Variants in DSN1 observed in about 807,000 individuals in gnomAD.
DSN1 encodes the protein kinetochore-associated protein DSN1 homolog.
DSN1 carries 31 observed loss-of-function variants against 45.7 expected under a neutral mutation model. The observed-to-expected ratio is 0.68, with a 90% CI of 0.51 to 0.92. DSN1 has a LOEUF of 0.92. DSN1 is among the 40% of genes least tolerant of loss of function. The pLI, the probability that DSN1 is intolerant of heterozygous loss-of-function variation, is 0.00. For missense variants in DSN1, 394 were observed against 414.2 expected, an observed-to-expected ratio of 0.95 and a Z score of 0.42; for synonymous variants, 134 against 142.3, an observed-to-expected ratio of 0.94 and a Z score of 0.41.
chr20:36,767,212 C>T (rs1327233897), intron 4 of DSN1, among the ~76,000 whole-genome samples: 2 of 151,876 alleles, frequency 1.3e-5, no homozygotes, highest in African/African-American at 2.4e-5. Flanking sequence ...GAGGCTGAGG[C>T]GGTAGAATCG....
Position 36,754,762 on chromosome 20 carries a change from C to G in DSN1, c.961+1G>C. On this transcript the variant is annotated splice_donor_variant, in intron 10 of 10. Transcript: ENST00000373750. LOFTEE classifies it high-confidence loss of function. The stretch of plus-strand genomic sequence containing the variant: ...CTGGTCCCCTCAAGAGACAAGCTTA[C>G]CGAGCTGTACTGACACCTTCTGGAA... 6.2e-7 allele frequency: 1 copy of G among 1,613,556 alleles called. No individual in the cohort carries two copies. The highest frequency in any genetic ancestry group is 1.1e-5 in the South Asian group (1 of 91,058).
intron 5 of DSN1, among the ~76,000 whole-genome samples, chr20:36,763,908 A>AAG (rs1555812864): frequency 1.3e-5 from 2 of 149,674 alleles, no homozygotes; most frequent in African/African-American, 2.5e-5. Flanking sequence ...AAAAAAAAAA[A>AAG]AAAGAAAGAC....
chr20:36,753,836 G>A (rs774358220), intron 10 of DSN1, among the ~76,000 whole-genome samples: 4 of 148,386 alleles, frequency 2.7e-5, no homozygotes, highest in South Asian at 2.2e-4. Context: ...GAGAAACCCC[G>A]TCTCTACTAA....
intron 3 of DSN1, among the ~76,000 whole-genome samples, chr20:36,769,863 T>C (rs1987538959): frequency 6.7e-6 from 1 of 148,410 alleles, no homozygotes; most frequent in South Asian, 2.1e-4. Flanking sequence ...ACAAATCACG[T>C]TCTGTATAGC....
At chr20:36,756,111 G>C (rs1489003114) in intron 8 of DSN1, among the ~76,000 whole-genome samples, 1 of 151,974 alleles carries the variant, frequency 6.6e-6, no homozygotes, top group Non-Finnish European at 1.5e-5. Flanking sequence ...CTCCTGAGTA[G>C]CTGGGATTTC....
At chr20:36,773,571 C>A (rs1255041274) in intron 1 of DSN1, 91 bp downstream of exon 1, 1 of 985,832 alleles carries the variant, frequency 1.0e-6, no homozygotes, top group Non-Finnish European at 1.2e-6. Context: ...ACGGGTACGA[C>A]GCCGAAGAGA....
At chr20:36,768,414 G>A (rs1277093658) in intron 3 of DSN1, among the ~76,000 whole-genome samples, 1 of 152,140 alleles carries the variant, frequency 6.6e-6, no homozygotes, top group Non-Finnish European at 1.5e-5. Flanking sequence ...GTGGTGGCAT[G>A]CGCCTGTAAT....
At chr20:36,765,247 T>TAAAAAAAAAAAAAAAAAAAA (rs33998027) in intron 5 of DSN1, among the ~76,000 whole-genome samples, 1 of 75,264 alleles carries the variant, frequency 1.3e-5, no homozygotes, top group African/African-American at 5.9e-5. Flanking sequence ...AGGCTTGTGT[T>TAAAAAAAAAAAAAAAAAAAA]AAAAAAAAAA....
chr20:36,759,479 A>G (rs991629031), intron 6 of DSN1, among the ~76,000 whole-genome samples: 1 of 151,510 alleles, frequency 6.6e-6, no homozygotes, highest in African/African-American at 2.4e-5. Flanking sequence ...CTTTTCCACT[A>G]GGTAATAACT....
At chr20:36,757,624 C>G (rs1420533029) in intron 8 of DSN1, among the ~76,000 whole-genome samples, 3 of 152,122 alleles carry the variant, frequency 2.0e-5, no homozygotes, top group African/African-American at 7.2e-5. Context: ...TACTTTTCCT[C>G]TACCTTCAAG....
chr20:36,771,003 C>T lies in DSN1; in HGVS notation c.225G>A (p.Ser75=), dbSNP rs1448384154. The change falls in exon 3 of 11, where the codon TCG becomes TCA. Residue 75 remains serine (S), a synonymous_variant. Coordinates refer to ENST00000373750, the MANE Select transcript of DSN1 (RefSeq NM_001145315.2). ...CTTGAGGAGACAAATGAAGGGACTT[C>T]GACTGAAGTCTTTCCTGGTGGCTGA... is the stretch of plus-strand genomic sequence containing the variant. The part of the protein sequence containing the change: ...CDLSHQERLQ[S]KSLHLSPQEQ... 5.6e-6 allele frequency: 9 copies of T among 1,614,074 alleles called. No individual in the cohort carries two copies. Among genetic ancestry groups the T allele is most frequent in the Non-Finnish European group, 7.6e-6 (9 of 1,180,056 alleles).
chr20:36,764,673 C>A (rs1987215410), intron 5 of DSN1, among the ~76,000 whole-genome samples: 1 of 152,106 alleles, frequency 6.6e-6, no homozygotes, highest in Admixed American at 6.6e-5. Flanking sequence ...ATAATCCCAA[C>A]ACTTTGGGAA....
rs1374735821 is a variant in DSN1 at position 36,755,865 on chromosome 20, G to A, written c.726-36C>T. The A allele has an allele frequency of 3.1e-6, 5 of 1,590,368 alleles. No homozygotes were observed. The South Asian group carries it at 3.4e-5, about 11-fold the overall frequency. Reference sequence around the variant, plus strand: ...AACACAAGAGCTTTTGAGAGATTCTGTAATTATTTTCTGGAAGAGATACCA... The same window carrying A: ...AACACAAGAGCTTTTGAGAGATTCTATAATTATTTTCTGGAAGAGATACCA... On this transcript the variant is annotated intron_variant, in intron 8 of 10. Coordinates refer to ENST00000373750, the MANE Select transcript of DSN1 (RefSeq NM_001145315.2).
Position 36,771,188 on chromosome 20 carries a change from C to G in DSN1, c.40G>C (p.Gly14Arg), listed in dbSNP as rs1446664659. 1 of 1,590,938 alleles carries G rather than the reference C, an allele frequency of 6.3e-7. No individual in the cohort carries two copies. The highest frequency in any genetic ancestry group is 1.8e-5 in the Admixed American group (1 of 56,004). ...TCATGAGTCTTAGACATCACTGGTC[C>G]TTTTTCTAGTATTTGTTATAAAAAA... ...VTRSEIIDEK[G>R]PVMSKTHDHQ... The change falls in exon 3 of 11, where the codon GGA becomes CGA. Residue 14 changes from glycine (G) to arginine (R), a missense_variant. Gly to Arg is a moderately radical substitution (Grantham distance 125). Transcript: ENST00000373750.
At chr20:36,761,682 G>A (rs570070488) in intron 6 of DSN1, among the ~76,000 whole-genome samples, 1 of 152,062 alleles carries the variant, frequency 6.6e-6, no homozygotes, top group African/African-American at 2.4e-5. Context: ...CCAACATGGT[G>A]AAACTTCATC....
At position 36,770,966 on chromosome 20, in the gene DSN1, T is replaced by C. The variant is rs1568700719; in HGVS notation, c.262A>G (p.Ser88Gly). 1 of 1,614,216 alleles carries C rather than the reference T, an allele frequency of 6.2e-7. No homozygotes were observed. Among genetic ancestry groups the C allele is most frequent in the Non-Finnish European group, 8.5e-7 (1 of 1,180,036 alleles). The change falls in exon 3 of 11, where the codon AGT becomes GGT. Residue 88 changes from serine (S) to glycine (G), a missense_variant. By Grantham distance (56) the Ser-to-Gly change is moderately conservative. Transcript: ENST00000373750. ...LHLSPQEQSA[S>G]YQDRRQSWRR... Reference sequence around the variant, plus strand: ...CAGGATTGCCTCCTGTCTTGATAACTGGCAGATTGTTCTTGAGGAGACAAA... The same window carrying C: ...CAGGATTGCCTCCTGTCTTGATAACCGGCAGATTGTTCTTGAGGAGACAAA...
chr20:36,754,678 C>A (rs1986573361), intron 10 of DSN1, 85 bp downstream of exon 10: 17 of 1,131,200 alleles, frequency 1.5e-5, no homozygotes, highest in Admixed American at 1.9e-5. Context: ...CCCTCTTGGA[C>A]CATAGGCTTT....
chr20:36,768,140 A>G (rs977688972), intron 3 of DSN1, 98 bp from the exon 4 acceptor site: 2 of 1,183,420 alleles, frequency 1.7e-6, no homozygotes, highest in Non-Finnish European at 1.2e-6. Context: ...AATCCAACTT[A>G]AGGCAAGAAC....
intron 3 of DSN1, among the ~76,000 whole-genome samples, chr20:36,770,567 A>G (rs766529888): frequency 1.3e-5 from 2 of 152,206 alleles, no homozygotes; most frequent in Non-Finnish European, 2.9e-5. Flanking sequence ...ATAATATAAT[A>G]TAAGTAGTAA....
Sources: gnomAD v4.1 joint callset for allele counts (sites outside exome capture counted in the v4.1 genomes callset) on GRCh38, gnomAD v4.1.1 for gene constraint, MANE v1.5 for transcripts, NCBI Gene and HGNC (gene_info 2026-07-23, HGNC 2026-07-21) for gene names.